The following RYR1 variants were observed in gnomAD, a reference collection of about 807,000 sequenced individuals.
The protein encoded by RYR1 is ryanodine receptor 1, also known as central core disease of muscle.
Under a neutral mutation model 583.5 loss-of-function variants are expected in RYR1, and 342 were observed. The ratio of observed to expected loss-of-function variants is 0.59; its 90% confidence interval spans 0.54 to 0.64. The LOEUF (loss-of-function observed/expected upper bound fraction) is 0.64, where lower values mean the gene tolerates loss of function less well. RYR1 is among the 30% of genes least tolerant of loss of function. RYR1 has a pLI of 0.00. For missense variants in RYR1, 6,032 were observed against 6,917.2 expected (o/e 0.87, Z 4.54); for synonymous variants, 2,791 against 2,822.5 (o/e 0.99, Z 0.35).
At chr19:38,563,246 TATA>T (rs923107161) in intron 90 of RYR1, among the ~76,000 whole-genome samples, 2 of 152,210 alleles carry the variant, frequency 1.3e-5, no homozygotes, top group African/African-American at 2.4e-5. Flanking sequence ...TGTGGGGCAG[TATA>T]ATAATAGGTA....
chr19:38,534,948 C>A, intron 79 of RYR1, 129 bp downstream of exon 79: 3 of 1,139,176 alleles, frequency 2.6e-6, no homozygotes, highest in South Asian at 1.3e-5. Context: ...ACACCCCAGC[C>A]CTTGCAGCTT....
At chr19:38,535,961 A>G (rs1296523813) in intron 81 of RYR1, 36 bp from the exon 82 acceptor site, 6 of 1,600,776 alleles carry the variant, frequency 3.7e-6, no homozygotes, top group Admixed American at 1.7e-5. Context: ...CAGAGGCTTC[A>G]TCACATACCC....
chr19:38,499,850 G>C lies in RYR1; in HGVS notation c.7214+29G>C. On this transcript the variant is annotated intron_variant, in intron 44 of 105. Coordinates refer to ENST00000359596, the MANE Select transcript of RYR1 (RefSeq NM_000540.3). The surrounding 1 kb of genome is among the most constrained non-coding windows in gnomAD (Gnocchi z 7.3). ...AGTCTCCCGGCCCCCTCCTCAATAG[G>C]GCAACCCGCCCTCCCTGGCCCCTGG... 1 of 1,611,420 alleles carries C rather than the reference G, an allele frequency of 6.2e-7. No individual in the cohort carries two copies. Among genetic ancestry groups the C allele is most frequent in the Non-Finnish European group, 8.5e-7 (1 of 1,179,662 alleles).
intron 78 of RYR1, among the ~76,000 whole-genome samples, chr19:38,533,656 G>A (rs985350141): frequency 2.0e-5 from 3 of 151,984 alleles, no homozygotes; most frequent in Admixed American, 6.6e-5. Context: ...GCTGGGCATG[G>A]TGGCAGGCAC....
In RYR1 at chr19:38,573,289, G is replaced by C; in HGVS notation, c.14111G>C (p.Arg4704Pro). 6.2e-7 allele frequency: 1 copy of C among 1,613,640 alleles called. No individual in the cohort carries two copies. Among genetic ancestry groups the C allele is most frequent in the Non-Finnish European group, 8.5e-7 (1 of 1,179,844 alleles). ...GATGACGTGAAGGGGCAGTGGGACCGACTGGTGCTCAACACGCCGTAAGGA... is the reference window on the plus strand; with the variant it reads ...GATGACGTGAAGGGGCAGTGGGACCCACTGGTGCTCAACACGCCGTAAGGA... ...EDDDVKGQWD[R>P]LVLNTPSFPS... The change falls in exon 96 of 106, where the codon CGA becomes CCA. Residue 4704 changes from arginine to proline, a missense_variant. Physicochemically the swap from Arg to Pro is moderately radical, Grantham distance 103 (BLOSUM62 -2). Transcript: ENST00000359596.
At chr19:38,452,056 A>T (rs1046003379) in intron 12 of RYR1, among the ~76,000 whole-genome samples, 171 bp downstream of exon 12, 1 of 146,290 alleles carries the variant, frequency 6.8e-6, no homozygotes, top group Non-Finnish European at 1.5e-5. Context: ...TGGGAGGGCA[A>T]GGCATGAGGA....
rs1188032683 is a variant in RYR1 at position 38,467,294 on chromosome 19, A to T, written c.3179-316A>T. On this transcript the variant is annotated intron_variant, in intron 24 of 105. Coordinates refer to ENST00000359596, the MANE Select transcript of RYR1 (RefSeq NM_000540.3). ...CAGCCCTTCATTCTAATCAACCCTG[A>T]TCTTGACCCTTAACCCCAGACCATA... 3.3e-5 allele frequency among the ~76,000 whole-genome samples: 5 copies of T among 151,966 alleles called. No homozygotes were observed. In the East Asian group the frequency reaches 9.6e-4, roughly 29 times the overall value.
rs1021103265 is a variant in RYR1 at position 38,443,466 on chromosome 19, A to G, written c.271-92A>G. 3 of 1,109,306 alleles carry G rather than the reference A, an allele frequency of 2.7e-6. No homozygotes were observed. The African/African-American group carries it at 4.6e-5, about 17-fold the overall frequency. The allele number at this position is 1,109,306 out of a possible 1,614,324, so 68.7% of individuals were successfully genotyped here. On this transcript the variant is annotated intron_variant, in intron 3 of 105. Coordinates refer to ENST00000359596, the MANE Select transcript of RYR1 (RefSeq NM_000540.3). ...GGCCTGAGCATGGTATTTTACAGGG[A>G]GCATCTTGTCACCTGTGACTAGGCC...
At position 38,452,821 on chromosome 19, in the gene RYR1, G is replaced by A. The variant is rs1967148373; in HGVS notation, c.1247G>A (p.Ser416Asn). The A allele has an allele frequency of 2.5e-6, 4 of 1,589,226 alleles. No individual in the cohort carries two copies. The highest frequency in any genetic ancestry group is 2.7e-5 in the African/African-American group (2 of 74,598). Residue 416 changes from serine to asparagine, a missense_variant and splice_region_variant, in exon 13 of 106, where the codon AGC (serine) becomes AAC (asparagine). Coordinates refer to ENST00000359596, the MANE Select transcript of RYR1 (RefSeq NM_000540.3). ...TGACAGCTGCGAGGTCCCTGTAGGA[G>A]CCTGGACAGCTTCAGCGGGAAGCCA... is the stretch of plus-strand genomic sequence containing the variant. Reference protein sequence around the residue: ...TNGLYNQFIKSLDSFSGKPRG... With the variant: ...TNGLYNQFIKNLDSFSGKPRG...
At chr19:38,451,970 A>G in intron 12 of RYR1, 85 bp downstream of exon 12, 1 of 1,574,856 alleles carries the variant, frequency 6.3e-7, no homozygotes, top group Non-Finnish European at 8.7e-7. Context: ...TTTCATCTCT[A>G]CCTCTGTTGC....
At chr19:38,532,864 G>T in intron 78 of RYR1, 128 bp downstream of exon 78, 1 of 916,268 alleles carries the variant, frequency 1.1e-6, no homozygotes, top group Non-Finnish European at 1.7e-6. Flanking sequence ...TCAGTCCACT[G>T]GGGAGACAGA....
rs746818096 is a variant in RYR1 at position 38,494,379 on chromosome 19, T to A, written c.6302T>A (p.Met2101Lys). ...TCCCTGCAGGAGCTGGTGTCCCACA[T>A]GGTGGTGCGCTGGGCCCAAGAGGAC... ...PRSLQELVSH[M>K]VVRWAQEDFV... Residue 2101 changes from methionine (M) to lysine (K), a missense_variant, in exon 39 of 106, where the codon ATG becomes AAG. Around this residue, in one of 11 missense-constraint regions of RYR1, gnomAD observed 2,627 missense variants for 2,961.3 expected, o/e 0.89. Coordinates refer to ENST00000359596, the MANE Select transcript of RYR1 (RefSeq NM_000540.3). The A allele has an allele frequency of 1.0e-4, 161 of 1,611,670 alleles. 1 individual carries two copies. Among genetic ancestry groups the A allele is most frequent in the Middle Eastern group, 4.5e-4 (2 of 4,484 alleles).
At position 38,512,592 on chromosome 19, in the gene RYR1, T is replaced by G; in HGVS notation, c.9472+109T>G. On this transcript the variant is annotated intron_variant, in intron 63 of 105. Transcript: ENST00000359596. The surrounding 1 kb of genome is among the most constrained non-coding windows in gnomAD (Gnocchi z 5.1). Reference sequence around the variant, plus strand: ...GTGTTTGAATGTGTGGATTTCTTGCTGTAAGCAAAGCATGCAGTCAGTACC... The same window carrying G: ...GTGTTTGAATGTGTGGATTTCTTGCGGTAAGCAAAGCATGCAGTCAGTACC... The G allele has an allele frequency of 9.2e-7, 1 of 1,083,744 alleles. No homozygotes were observed. Among genetic ancestry groups the G allele is most frequent in the Non-Finnish European group, 1.4e-6 (1 of 715,614 alleles). 67.1% of individuals were successfully genotyped at this position (1,083,744 alleles called of 1,614,324 possible).
In RYR1 at chr19:38,543,403, A is replaced by G. The variant is rs766503308; in HGVS notation, c.11746A>G (p.Ile3916Val). 1.7e-5 allele frequency: 27 copies of G among 1,614,206 alleles called. No homozygotes were observed. Among genetic ancestry groups the G allele is most frequent in the Non-Finnish European group, 2.1e-5 (25 of 1,180,040 alleles). ...GAACACGACCACTATTAACATCATC[A>G]TTTGCACTGTGGACTACCTCCTGCG... is the stretch of plus-strand genomic sequence containing the variant. ...TGNTTTINIIICTVDYLLRLQ... is the reference protein window; with the variant it reads ...TGNTTTINIIVCTVDYLLRLQ... The change falls in exon 85 of 106, where the codon ATT becomes GTT. Residue 3916 changes from isoleucine to valine, a missense_variant. Ile to Val is a conservative substitution (Grantham distance 29). Transcript: ENST00000359596. This position sits in a 1 kb window ranked among gnomAD's most constrained non-coding sequence, Gnocchi z 4.4.
chr19:38,458,630 G>T (rs536352868), intron 18 of RYR1, among the ~76,000 whole-genome samples: 29 of 151,806 alleles, frequency 1.9e-4, no homozygotes, highest in Admixed American at 1.9e-3. Context: ...TTGTTTGTTT[G>T]TTTGTTTATT....
chr19:38,561,628 A>G lies in RYR1; in HGVS notation c.12624+174A>G, dbSNP rs1033782229. Among the ~76,000 whole-genome samples, 17 of 152,150 alleles carry G rather than the reference A, an allele frequency of 1.1e-4. No individual in the cohort carries two copies. The highest frequency in any genetic ancestry group is 4.1e-4 in the African/African-American group (17 of 41,428). ...ATTTCGTCCAGCTGCGCCCTTGCAC[A>G]TCCCTGGCTCGCCCCTGGCCACTTC... On this transcript the variant is annotated intron_variant, in intron 90 of 105. Coordinates refer to ENST00000359596, the MANE Select transcript of RYR1 (RefSeq NM_000540.3). This position sits in a 1 kb window ranked among gnomAD's most constrained non-coding sequence, Gnocchi z 4.8.
At chr19:38,467,036 C>A (rs939549299) in intron 24 of RYR1, among the ~76,000 whole-genome samples, 1 of 152,040 alleles carries the variant, frequency 6.6e-6, no homozygotes, top group Non-Finnish European at 1.5e-5. Context: ...AGCTTTGATC[C>A]CTAATCACTA....
Position 38,528,667 on chromosome 19 carries a change from T to G in RYR1, c.11006T>G (p.Phe3669Cys). The change falls in exon 75 of 106, where the codon TTT (phenylalanine) becomes TGT (cysteine). Residue 3669 changes from phenylalanine (F) to cysteine (C), a missense_variant. Physicochemically the swap from Phe to Cys is radical, Grantham distance 205. This residue lies in a region of RYR1 where 1,493 missense variants were observed against 1,715.5 expected (regional missense o/e 0.87). Coordinates refer to ENST00000359596, the MANE Select transcript of RYR1 (RefSeq NM_000540.3). ...TGGATCCTGACTGAAGACCACAGTT[T>G]TGAGGACCGCATGATAGATGACCTT... ...AAWILTEDHSFEDRMIDDLSK... is the reference protein window; with the variant it reads ...AAWILTEDHSCEDRMIDDLSK... The G allele has an allele frequency of 6.2e-7, 1 of 1,614,150 alleles. No individual in the cohort carries two copies. The highest frequency in any genetic ancestry group is 8.5e-7 in the Non-Finnish European group (1 of 1,180,020).
At position 38,534,775 on chromosome 19, in the gene RYR1, G is replaced by T; in HGVS notation, c.11315G>T (p.Arg3772Leu). 3 of 1,613,648 alleles carry T rather than the reference G, an allele frequency of 1.9e-6. No homozygotes were observed. The highest frequency in any genetic ancestry group is 2.5e-6 in the Non-Finnish European group (3 of 1,179,874). ...TACCAGCAAGCACGGCTGCACACCC[G>T]GGGGGCGGCCGAGATGGTGCTGCAG... Reference protein sequence around the residue: ...LLYQQARLHTRGAAEMVLQMI... With the variant: ...LLYQQARLHTLGAAEMVLQMI... The change falls in exon 79 of 106, where the codon CGG (arginine) becomes CTG (leucine). Residue 3772 changes from arginine (R) to leucine (L), a missense_variant. Coordinates refer to ENST00000359596, the MANE Select transcript of RYR1 (RefSeq NM_000540.3).
Sources: allele counts gnomAD v4.1 joint callset (sites outside exome capture counted in the v4.1 genomes callset), GRCh38; gene constraint gnomAD v4.1.1; regional missense constraint gnomAD v4.1.1; non-coding constraint Gnocchi (gnomAD v3.1); transcripts MANE v1.5; gene names NCBI Gene and HGNC (gene_info 2026-07-23, HGNC 2026-07-21).